TRIM71: variants seen among roughly 807,000 people sequenced by gnomAD.
TRIM71 encodes the protein tripartite motif containing 71.
TRIM71 carries 9 observed loss-of-function variants against 61.2 expected under a neutral mutation model. The observed-to-expected ratio is 0.15, with a 90% CI of 0.09 to 0.26. TRIM71 has a LOEUF of 0.26. TRIM71 is among the 10% of genes least tolerant of loss of function. TRIM71 has a pLI of 1.00. For missense variants in TRIM71, 998 were observed against 1,238.7 expected, an observed-to-expected ratio of 0.81 and a Z score of 2.92; for synonymous variants, 645 against 553.2, an observed-to-expected ratio of 1.17 and a Z score of -2.33.
chr3:32,873,701 T>G, intron 1 of TRIM71, 117 bp from the exon 2 acceptor site: 6 of 962,006 alleles, frequency 6.2e-6, no homozygotes, highest in Non-Finnish European at 8.9e-6. Context: ...TGGGGTGTGC[T>G]TGCTCATTGG....
rs748441504 is a variant in TRIM71 at position 32,890,121 on chromosome 3, C to T, written c.1156-239C>T. Reference sequence around the variant, plus strand: ...AGCCACTCCCTCCAGTCCAGAGTCACTAATTACATATAGTTGTCCTGTTTC... The same window carrying T: ...AGCCACTCCCTCCAGTCCAGAGTCATTAATTACATATAGTTGTCCTGTTTC... On this transcript the variant is annotated intron_variant, in intron 3 of 3. Coordinates refer to ENST00000383763, the MANE Select transcript of TRIM71 (RefSeq NM_001039111.3). This position sits in a 1 kb window ranked among gnomAD's most constrained non-coding sequence, Gnocchi z 6.2. 6.6e-6 allele frequency among the ~76,000 whole-genome samples: 1 copy of T among 152,172 alleles called. No homozygotes were observed. Among genetic ancestry groups the T allele is most frequent in the Non-Finnish European group, 1.5e-5 (1 of 68,044 alleles).
At chr3:32,828,738 C>T (rs1696232984) in intron 1 of TRIM71, among the ~76,000 whole-genome samples, 1 of 152,108 alleles carries the variant, frequency 6.6e-6, no homozygotes, top group Middle Eastern at 3.4e-3. Context: ...GGGCTCAAGC[C>T]ACCCTCCTGC....
At chr3:32,820,678 T>C (rs1696117010) in intron 1 of TRIM71, among the ~76,000 whole-genome samples, 1 of 152,196 alleles carries the variant, frequency 6.6e-6, no homozygotes, top group African/African-American at 2.4e-5. Context: ...TATATTTTAT[T>C]TGGGCTGAAA....
intron 1 of TRIM71, among the ~76,000 whole-genome samples, chr3:32,856,486 A>ATG (rs1696606328): frequency 3.3e-5 from 5 of 152,096 alleles, no homozygotes; most frequent in Admixed American, 3.3e-4. Flanking sequence ...GAGGGCAAGG[A>ATG]CATCATAGTG....
intron 1 of TRIM71, among the ~76,000 whole-genome samples, chr3:32,869,477 GTGTGTGT>G (rs1696773783): frequency 1.3e-5 from 2 of 152,188 alleles, no homozygotes; most frequent in Non-Finnish European, 2.9e-5. Context: ...GTCCCTTGGT[GTGTGTGT>G]TCCTTGTTGG....
In TRIM71 at chr3:32,868,686, G is replaced by GT. The variant is rs374629897; in HGVS notation, c.853-5118dup. On this transcript the variant is annotated intron_variant, in intron 1 of 3. Transcript: ENST00000383763. ...GGAGACAATTGAGTGAGACATTAGGGTTTTTTTTTTTTTTAAAAAACTGTT... is the reference window on the plus strand; with the variant it reads ...GGAGACAATTGAGTGAGACATTAGGGTTTTTTTTTTTTTTTAAAAAACTGTT... 0.016 allele frequency among the ~76,000 whole-genome samples: 2,250 copies of GT among 139,938 alleles called. 71 individuals carry two copies. The East Asian group carries it at 0.19, about 12-fold the overall frequency. 91.8% of individuals were successfully genotyped at this position (139,938 alleles called of 152,430 possible).
chr3:32,820,716 G>GAT (rs1188243528), intron 1 of TRIM71, among the ~76,000 whole-genome samples: 2 of 152,178 alleles, frequency 1.3e-5, no homozygotes, highest in African/African-American at 4.8e-5. Context: ...TGGCAGACTT[G>GAT]TAAAAGATTT....
intron 1 of TRIM71, among the ~76,000 whole-genome samples, chr3:32,828,673 T>A (rs964720204): frequency 6.6e-6 from 1 of 151,834 alleles, no homozygotes; most frequent in African/African-American, 2.4e-5. Flanking sequence ...TTAAAAAAAA[T>A]TCTTTTTGTA....
Position 32,818,815 on chromosome 3 carries a change from C to T in TRIM71, c.735C>T (p.Pro245=), listed in dbSNP as rs767920185. 17 of 1,609,882 alleles carry T rather than the reference C, an allele frequency of 1.1e-5. No homozygotes were observed. The Admixed American group carries it at 1.5e-4, about 14-fold the overall frequency. The stretch of plus-strand genomic sequence containing the variant: ...ACATCGAGCGCGGCCCGCCGGGTCC[C>T]GGTGCCGCAGCAGCGGCGCAGCAGC... ...DHYIERGPPG[P]GAAAAAQQLG... Residue 245 remains proline, a synonymous_variant, in exon 1 of 4, where the codon CCC becomes CCT. Transcript: ENST00000383763.
chr3:32,863,194 C>CTTTTTTTT (rs1559545534), intron 1 of TRIM71, among the ~76,000 whole-genome samples: 2 of 117,664 alleles, frequency 1.7e-5, no homozygotes, highest in Admixed American at 1.0e-4. Flanking sequence ...ATTAATTGAA[C>CTTTTTTTT]CTTTTTTTTT....
intron 1 of TRIM71, among the ~76,000 whole-genome samples, chr3:32,838,833 C>CAA (rs1559539896): frequency 6.6e-6 from 1 of 151,942 alleles, no homozygotes; most frequent in African/African-American, 2.4e-5. Context: ...CGAGGTCTCG[C>CAA]TCTGTCACCC....
intron 1 of TRIM71, among the ~76,000 whole-genome samples, chr3:32,819,345 T>A (rs975690705): frequency 4.6e-5 from 7 of 152,176 alleles, no homozygotes; most frequent in African/African-American, 1.7e-4. Flanking sequence ...CAGATTTTTG[T>A]TTGGAAAACT....
intron 1 of TRIM71, among the ~76,000 whole-genome samples, chr3:32,841,911 C>G (rs563225286): frequency 6.6e-6 from 1 of 152,196 alleles, no homozygotes; most frequent in Admixed American, 6.5e-5. Context: ...TCAAGTGATC[C>G]CCGGCCTCCC....
At position 32,894,612 on chromosome 3, in the gene TRIM71, G is replaced by A. The variant is rs1433468793; in HGVS notation, c.*2801G>A. 6.6e-6 allele frequency: 1 copy of A among 152,204 alleles called. No homozygotes were observed. Among genetic ancestry groups the A allele is most frequent in the East Asian group, 1.9e-4 (1 of 5,198 alleles). The allele number at this position is 152,204 out of a possible 1,614,324, so 9.4% of individuals were successfully genotyped here. On this transcript the variant is annotated 3_prime_UTR_variant, in exon 4 of 4. Transcript: ENST00000383763. Reference sequence around the variant, plus strand: ...TATTTGAGAAACATGGTCACATTTGGAAAGCTTTTGTTTTTAAAACATTGG... The same window carrying A: ...TATTTGAGAAACATGGTCACATTTGAAAAGCTTTTGTTTTTAAAACATTGG...
chr3:32,854,182 A>C (rs769161012), intron 1 of TRIM71, among the ~76,000 whole-genome samples: 2 of 152,136 alleles, frequency 1.3e-5, no homozygotes, highest in Non-Finnish European at 2.9e-5. Context: ...GTAGAGACTC[A>C]GAGGTCTCAC....
Position 32,818,018 on chromosome 3 carries a change from G to A in TRIM71, c.-63G>A, listed in dbSNP as rs905267338. 59 of 1,512,596 alleles carry A rather than the reference G, an allele frequency of 3.9e-5. No individual in the cohort carries two copies. The Admixed American group carries it at 9.8e-4, about 25-fold the overall frequency. 93.7% of individuals were successfully genotyped at this position (1,512,596 alleles called of 1,614,324 possible). A position where few individuals can be genotyped will look rare whatever the true frequency, so the allele number is the denominator to read the frequency against. On this transcript the variant is annotated 5_prime_UTR_variant, in exon 1 of 4. Coordinates refer to ENST00000383763, the MANE Select transcript of TRIM71 (RefSeq NM_001039111.3). ...GGTGACTCCCCCACCCACCTCGTCC[G>A]CTCTCTCCTCCTCCTCCTCCTCTTC... is the stretch of plus-strand genomic sequence containing the variant.
Position 32,891,333 on chromosome 3 carries a change from C to A in TRIM71, c.2129C>A (p.Ser710Tyr). The A allele has an allele frequency of 1.2e-6, 2 of 1,614,022 alleles. No homozygotes were observed. ...FNYPWDVAVN[S>Y]EGKILVSDTR... ...TACCCTTGGGATGTGGCGGTGAATTCTGAGGGCAAGATCCTGGTCTCAGAC... is the reference window on the plus strand; with the variant it reads ...TACCCTTGGGATGTGGCGGTGAATTATGAGGGCAAGATCCTGGTCTCAGAC... Residue 710 changes from serine to tyrosine, a missense_variant, in exon 4 of 4, where the codon TCT becomes TAT. By Grantham distance (144) the Ser-to-Tyr change is moderately radical. Coordinates refer to ENST00000383763, the MANE Select transcript of TRIM71 (RefSeq NM_001039111.3). This position sits in a 1 kb window ranked among gnomAD's most constrained non-coding sequence, Gnocchi z 8.2.
Position 32,891,139 on chromosome 3 carries a change from C to T in TRIM71, c.1935C>T (p.Thr645=). ...GCGCCTTCCACCACAAATTCGGCAC[C>T]CTGGGCTCCCGGCCTGGGCAGTTCG... ...PCGAFHHKFG[T]LGSRPGQFDR... The change falls in exon 4 of 4, where the codon ACC becomes ACT. Residue 645 remains threonine, a synonymous_variant. Transcript: ENST00000383763. The surrounding 1 kb of genome is among the most constrained non-coding windows in gnomAD (Gnocchi z 8.2). The T allele has an allele frequency of 6.2e-7, 1 of 1,612,604 alleles. No homozygotes were observed.
Position 32,893,291 on chromosome 3 carries a change from G to A in TRIM71, c.*1480G>A, listed in dbSNP as rs575350352. 6.7e-6 allele frequency: 1 copy of A among 150,006 alleles called. No homozygotes were observed. The highest frequency in any genetic ancestry group is 2.5e-5 in the African/African-American group (1 of 40,694). 9.3% of individuals were successfully genotyped at this position (150,006 alleles called of 1,614,324 possible). ...ATGTCTTTTCTTAAACCTGTAACTC[G>A]GTACCAAAGAATGAAAATTTAAGGC... On this transcript the variant is annotated 3_prime_UTR_variant, in exon 4 of 4. Coordinates refer to ENST00000383763, the MANE Select transcript of TRIM71 (RefSeq NM_001039111.3).
Sources: allele counts gnomAD v4.1 joint callset (sites outside exome capture counted in the v4.1 genomes callset), GRCh38; gene constraint gnomAD v4.1.1; non-coding constraint Gnocchi (gnomAD v3.1); transcripts MANE v1.5; gene names NCBI Gene and HGNC (gene_info 2026-07-23, HGNC 2026-07-21).